Variants in LY75 observed in about 807,000 individuals in gnomAD.
LY75 encodes lymphocyte antigen 75, also known as C-type lectin domain family 13 member B.
Under a neutral mutation model 231.7 loss-of-function variants are expected in LY75, and 185 were observed. That is an observed-to-expected ratio of 0.80 (90% CI 0.71 to 0.90). The LOEUF is 0.90. Ranked by LOEUF, LY75 falls within the 40% of genes least tolerant of loss-of-function variation. The pLI, the probability that LY75 is intolerant of heterozygous loss-of-function variation, is 0.00. For missense variants in LY75, 1,947 were observed against 2,050.2 expected, an observed-to-expected ratio of 0.95 and a Z score of 0.97; for synonymous variants, 668 against 689.0, an observed-to-expected ratio of 0.97 and a Z score of 0.48.
At chr2:159,846,400 T>G (rs1684204387) in intron 23 of LY75, among the ~76,000 whole-genome samples, 1 of 152,010 alleles carries the variant, frequency 6.6e-6, no homozygotes, top group Non-Finnish European at 1.5e-5. Flanking sequence ...GGTGGTGCGC[T>G]CCTGCAGTCC....
At chr2:159,879,103 T>C (rs1391756995) in intron 9 of LY75, among the ~76,000 whole-genome samples, 156 bp downstream of exon 9, 3 of 152,238 alleles carry the variant, frequency 2.0e-5, no homozygotes, top group Non-Finnish European at 4.4e-5. Flanking sequence ...GCCAATATGC[T>C]ATGACTCACT....
At chr2:159,866,682 G>A (rs1684866893) in intron 13 of LY75, among the ~76,000 whole-genome samples, 1 of 152,118 alleles carries the variant, frequency 6.6e-6, no homozygotes. Context: ...AAAGCCAGAC[G>A]GCTAAAATAG....
intron 23 of LY75, 70 bp from the exon 24 acceptor site, chr2:159,842,444 TA>T (rs1684066257): frequency 1.4e-6 from 2 of 1,470,898 alleles, no homozygotes; most frequent in African/African-American, 2.9e-5. Flanking sequence ...AAGAAAAGTT[TA>T]GATTCTAGAT....
intron 33 of LY75, chr2:159,808,199 TA>T: frequency 1.1e-6 from 1 of 869,798 alleles, no homozygotes; most frequent in Non-Finnish European, 1.4e-6. Context: ...ATCCCAGAAA[TA>T]AGCCTCTAGA....
chr2:159,902,131 T>C (rs1220485973), intron 1 of LY75, among the ~76,000 whole-genome samples: 1 of 152,244 alleles, frequency 6.6e-6, no homozygotes, highest in African/African-American at 2.4e-5. Context: ...ATAAAACTTA[T>C]TTTATAAAAT....
chr2:159,885,287 G>A lies in LY75; in HGVS notation c.920C>T (p.Pro307Leu), dbSNP rs780171761. 5 of 1,612,454 alleles carry A rather than the reference G, an allele frequency of 3.1e-6. No individual in the cohort carries two copies. Among genetic ancestry groups the A allele is most frequent in the Admixed American group, 1.7e-5 (1 of 59,814 alleles). Residue 307 changes from proline to leucine, a missense_variant, in exon 6 of 35, where the codon CCC becomes CTC. Transcript: ENST00000263636. ...GGAGCCACCTATAGTAGGTGCACTG[G>A]GCCTGTCTTAAAAGGGAACATTTTT... ...LNFLNWDPDR[P>L]SAPTIGGSSC... is the part of the protein sequence containing the mutation.
Position 159,816,957 on chromosome 2 carries a change from T to G in LY75, c.4229A>C (p.Gln1410Pro), listed in dbSNP as rs1683136707. 6.2e-7 allele frequency: 1 copy of G among 1,614,182 alleles called. No individual in the cohort carries two copies. The highest frequency in any genetic ancestry group is 8.5e-7 in the Non-Finnish European group (1 of 1,180,018). The stretch of plus-strand genomic sequence containing the variant: ...TGCTTCATACCATGTTACCTTTTTT[T>G]GAATAACACTGTAAATACCATCTTC... ...PYEDGIYSVI[Q>P]KKVTWYEALN... The change falls in exon 30 of 35, where the codon CAA (glutamine) becomes CCA (proline). Residue 1410 changes from glutamine to proline, a missense_variant. By Grantham distance (76) the Gln-to-Pro change is moderately conservative. Transcript: ENST00000263636.
chr2:159,807,164 CTAT>C, intron 33 of LY75, 24 bp from the exon 34 acceptor site: 2 of 1,598,786 alleles, frequency 1.3e-6, no homozygotes, highest in Non-Finnish European at 1.7e-6. Context: ...TTAAATACAA[CTAT>C]GTCTACTGCC....
chr2:159,846,026 A>G (rs77354973), intron 23 of LY75, among the ~76,000 whole-genome samples: 1,594 of 151,804 alleles, frequency 0.011, 22 homozygotes, highest in African/African-American at 0.036. Context: ...TCTGGTCTCA[A>G]ATTCCTGGGC....
At chr2:159,894,569 C>T (rs775221899) in intron 2 of LY75, among the ~76,000 whole-genome samples, 3 of 152,174 alleles carry the variant, frequency 2.0e-5, no homozygotes, top group Non-Finnish European at 2.9e-5. Flanking sequence ...GAACCACCTG[C>T]GGCATTAGAA....
At chr2:159,837,288 A>G (rs1029620244) in intron 25 of LY75, among the ~76,000 whole-genome samples, 1 of 152,254 alleles carries the variant, frequency 6.6e-6, no homozygotes, top group Admixed American at 6.5e-5. Flanking sequence ...GCACATATAC[A>G]TGATGGCATA....
chr2:159,842,850 G>A (rs1411199804), intron 23 of LY75, among the ~76,000 whole-genome samples: 2 of 151,730 alleles, frequency 1.3e-5, no homozygotes, highest in African/African-American at 2.4e-5. Context: ...AATAATATTA[G>A]ATATGAAAAT....
chr2:159,873,440 C>G (rs1321338958), intron 12 of LY75, among the ~76,000 whole-genome samples: 1 of 152,094 alleles, frequency 6.6e-6, no homozygotes, highest in African/African-American at 2.4e-5. Flanking sequence ...CAGTGATATA[C>G]CATGAGAACA....
intron 13 of LY75, among the ~76,000 whole-genome samples, chr2:159,868,132 T>C (rs934345586): frequency 8.5e-5 from 13 of 152,146 alleles, no homozygotes; most frequent in Non-Finnish European, 1.5e-4. Context: ...TAGAATATGT[T>C]CTCTAAGCAC....
chr2:159,844,640 C>T (rs1335969677), intron 23 of LY75, among the ~76,000 whole-genome samples: 1 of 151,634 alleles, frequency 6.6e-6, no homozygotes, highest in Non-Finnish European at 1.5e-5. Context: ...TTATTAGCTA[C>T]TTAGGAAACC....
In LY75 at chr2:159,899,117, C is replaced by T. The variant is rs536458482; in HGVS notation, c.95-58G>A. ...TGTGGTTGAAGCGCCTTGCTCCCTGCCTGCTGAGGAGAGTCTGAGCACTAC... is the reference window on the plus strand; with the variant it reads ...TGTGGTTGAAGCGCCTTGCTCCCTGTCTGCTGAGGAGAGTCTGAGCACTAC... On this transcript the variant is annotated intron_variant, in intron 1 of 34. Coordinates refer to ENST00000263636, the MANE Select transcript of LY75 (RefSeq NM_002349.4). The T allele has an allele frequency of 3.5e-5, 55 of 1,566,146 alleles. No homozygotes were observed. The African/African-American group carries it at 5.5e-4, about 16-fold the overall frequency.
intron 28 of LY75, among the ~76,000 whole-genome samples, chr2:159,830,641 G>A (rs1411083224): frequency 6.8e-6 from 1 of 146,128 alleles, no homozygotes; most frequent in Non-Finnish European, 1.5e-5. Flanking sequence ...CCTGGCTGGA[G>A]TGCAGTGGCA....
chr2:159,827,418 CA>C (rs1683506819), intron 28 of LY75, among the ~76,000 whole-genome samples: 1 of 152,328 alleles, frequency 6.6e-6, no homozygotes, highest in South Asian at 2.1e-4. Flanking sequence ...GATACCATCT[CA>C]TGCCAGTTAG....
chr2:159,815,705 A>AG, intron 30 of LY75, 132 bp from the exon 31 acceptor site: 2 of 1,105,344 alleles, frequency 1.8e-6, no homozygotes, highest in Non-Finnish European at 2.5e-6. Context: ...TGTAGGTCTG[A>AG]ACCTACTATT....
Sources: gnomAD v4.1 joint callset for allele counts (sites outside exome capture counted in the v4.1 genomes callset) on GRCh38, gnomAD v4.1.1 for gene constraint, MANE v1.5 for transcripts, NCBI Gene and HGNC (gene_info 2026-07-23, HGNC 2026-07-21) for gene names.